COL5A2: variants seen among roughly 807,000 people sequenced by gnomAD.
COL5A2 encodes collagen type V alpha 2 chain.
Under a neutral mutation model 208.2 loss-of-function variants are expected in COL5A2, and 23 were observed. The ratio of observed to expected loss-of-function variants is 0.11; its 90% confidence interval spans 0.08 to 0.16. The LOEUF is 0.16. COL5A2 is among the 10% of genes least tolerant of loss of function. The pLI is 1.00. For missense variants in COL5A2, 1,590 were observed against 1,956.4 expected, an observed-to-expected ratio of 0.81 and a Z score of 3.53; for synonymous variants, 625 against 628.5, an observed-to-expected ratio of 0.99 and a Z score of 0.08.
rs115398478 is a variant in COL5A2 at position 189,049,644 on chromosome 2, C to T, written c.3040-190G>A. On this transcript the variant is annotated intron_variant, in intron 43 of 53. Coordinates refer to ENST00000374866, the MANE Select transcript of COL5A2 (RefSeq NM_000393.5). ...CCACCTCCTATCAGACTCCTCTTGA[C>T]GTATCTAAGGGACCAAAAACCAACC... is the stretch of plus-strand genomic sequence containing the variant. Among the ~76,000 whole-genome samples, 1,409 of 152,260 alleles carry T rather than the reference C, an allele frequency of 9.3e-3. 19 individuals are homozygous for T. Among genetic ancestry groups the T allele is most frequent in the African/African-American group, 0.032 (1,325 of 41,540 alleles).
At chr2:189,403,192 C>T in the COL5A2 span, among the ~76,000 whole-genome samples, 3 of 152,108 alleles carry the variant, frequency 2.0e-5, no homozygotes, top group East Asian at 3.9e-4. Context: ...GGAGCTCATT[C>T]GTGATTTGGC....
At chr2:189,072,930 T>C (rs1415605569) in intron 17 of COL5A2, among the ~76,000 whole-genome samples, 1 of 152,088 alleles carries the variant, frequency 6.6e-6, no homozygotes, top group Non-Finnish European at 1.5e-5. Flanking sequence ...ATAAAAGGAA[T>C]TCTAGTACAG....
At chr2:189,429,163 AGGT>A in the COL5A2 span, among the ~76,000 whole-genome samples, 2 of 152,244 alleles carry the variant, frequency 1.3e-5, no homozygotes, top group Admixed American at 1.3e-4. Flanking sequence ...TATATTAATT[AGGT>A]AGGTTTAACC....
At chr2:189,085,111 C>T (rs747127241) in intron 11 of COL5A2, 49 bp downstream of exon 11, 2 of 1,424,954 alleles carry the variant, frequency 1.4e-6, no homozygotes, top group Non-Finnish European at 2.0e-6. Flanking sequence ...ACATTTTAAC[C>T]CCTTCGCCTC....
At chr2:189,075,061 C>T (rs1415063625) in intron 17 of COL5A2, among the ~76,000 whole-genome samples, 4 of 152,260 alleles carry the variant, frequency 2.6e-5, no homozygotes, top group African/African-American at 9.6e-5. Context: ...ATTTTCTGAG[C>T]CCACTGTGTT....
chr2:189,414,960 G>T, the COL5A2 span, among the ~76,000 whole-genome samples: 11 of 152,092 alleles, frequency 7.2e-5, no homozygotes, highest in African/African-American at 2.6e-4. Flanking sequence ...TAAATAATAG[G>T]TGTGAACAAA....
At chr2:189,118,165 A>C (rs1687432600) in intron 1 of COL5A2, among the ~76,000 whole-genome samples, 1 of 151,996 alleles carries the variant, frequency 6.6e-6, no homozygotes, top group Non-Finnish European at 1.5e-5. Flanking sequence ...TGTGGGCCAA[A>C]CCTACAAAGC....
At chr2:189,292,313 C>A in the COL5A2 span, among the ~76,000 whole-genome samples, 251 of 152,224 alleles carry the variant, frequency 1.6e-3, 1 homozygote, top group African/African-American at 5.6e-3. Context: ...TATCTAAGAG[C>A]TAAACTGAAA....
chr2:189,195,484 C>G (rs1023556935), intron 1 of COL5A2, among the ~76,000 whole-genome samples: 4 of 152,098 alleles, frequency 2.6e-5, no homozygotes, highest in Admixed American at 2.6e-4. Flanking sequence ...CATATGGAAC[C>G]AAAAAAGAGC....
At chr2:189,058,033 G>A (rs1459951571) in intron 33 of COL5A2, among the ~76,000 whole-genome samples, 2 of 152,154 alleles carry the variant, frequency 1.3e-5, no homozygotes, top group Non-Finnish European at 2.9e-5. Context: ...CACATATGTA[G>A]TAAGCAGAAT....
chr2:189,300,592 AG>A, the COL5A2 span, among the ~76,000 whole-genome samples: 1 of 152,192 alleles, frequency 6.6e-6, no homozygotes, highest in Non-Finnish European at 1.5e-5. Flanking sequence ...TTCCTGAGGG[AG>A]GAGAAATAGA....
intron 1 of COL5A2, among the ~76,000 whole-genome samples, chr2:189,147,714 C>T (rs952921374): frequency 9.2e-5 from 14 of 152,022 alleles, no homozygotes; most frequent in Admixed American, 3.3e-4. Flanking sequence ...AGTGCTATAA[C>T]GTCTCTAGAA....
the COL5A2 span, among the ~76,000 whole-genome samples, chr2:189,431,892 T>C: frequency 6.6e-6 from 1 of 152,018 alleles, no homozygotes; most frequent in Admixed American, 6.6e-5. Context: ...AGACACATAA[T>C]TGTCAGATTC....
intron 44 of COL5A2, 139 bp downstream of exon 44, chr2:189,049,208 G>A: frequency 1.4e-6 from 1 of 699,800 alleles, no homozygotes; most frequent in East Asian, 2.7e-5. Flanking sequence ...TAGGGAAGTA[G>A]AGTACATCAA....
chr2:189,344,250 T>C, the COL5A2 span, among the ~76,000 whole-genome samples: 7 of 152,182 alleles, frequency 4.6e-5, no homozygotes, highest in Admixed American at 3.9e-4. Context: ...CAATGAAGGA[T>C]ATGAACCAGA....
At chr2:189,057,919 GT>G (rs1249191296) in intron 33 of COL5A2, among the ~76,000 whole-genome samples, 5 of 152,092 alleles carry the variant, frequency 3.3e-5, no homozygotes, top group Non-Finnish European at 7.4e-5. Flanking sequence ...TACTTCAATT[GT>G]TTATACTGAA....
the COL5A2 span, among the ~76,000 whole-genome samples, chr2:189,408,560 C>G: frequency 6.6e-6 from 1 of 152,182 alleles, no homozygotes; most frequent in Non-Finnish European, 1.5e-5. Flanking sequence ...CCATGGTGAC[C>G]ATTAATAGTC....
the COL5A2 span, among the ~76,000 whole-genome samples, chr2:189,263,336 T>G: frequency 6.6e-6 from 1 of 152,128 alleles, no homozygotes; most frequent in Non-Finnish European, 1.5e-5. Context: ...TTGGGGAGAT[T>G]ATAACAGAAT....
At chr2:189,256,170 T>C in the COL5A2 span, among the ~76,000 whole-genome samples, 669 of 152,294 alleles carry the variant, frequency 4.4e-3, 2 homozygotes, top group African/African-American at 0.016. Context: ...TAAAATTTCA[T>C]TTTCGTAGGC....
Sources: allele counts gnomAD v4.1 joint callset (sites outside exome capture counted in the v4.1 genomes callset), GRCh38; gene constraint gnomAD v4.1.1; transcripts MANE v1.5; gene names NCBI Gene and HGNC (gene_info 2026-07-23, HGNC 2026-07-21).